PRKCB: variants seen among roughly 807,000 people sequenced by gnomAD.
The protein encoded by PRKCB is protein kinase C beta, also known as protein kinase C beta type.
Under a neutral mutation model 81.5 loss-of-function variants are expected in PRKCB, and 13 were observed. The ratio of observed to expected loss-of-function variants is 0.16; its 90% CI spans 0.10 to 0.25. PRKCB has a LOEUF of 0.25. Among genes scored for constraint, PRKCB ranks in the 10% least tolerant of loss-of-function variants. PRKCB has a pLI of 1.00. For synonymous variants in PRKCB, 335 were observed against 321.4 expected (o/e 1.04, Z -0.45); for missense variants, 509 against 875.7 (o/e 0.58, Z 5.29).
intron 3 of PRKCB, among the ~76,000 whole-genome samples, chr16:24,005,933 G>A (rs958572557): frequency 3.3e-5 from 5 of 152,220 alleles, no homozygotes; most frequent in Non-Finnish European, 5.9e-5. Context: ...TCCAGGGAGC[G>A]AAGCAGCAAT....
intron 9 of PRKCB, among the ~76,000 whole-genome samples, chr16:24,154,472 T>C (rs1967125533): frequency 6.6e-6 from 1 of 152,166 alleles, no homozygotes; most frequent in Non-Finnish European, 1.5e-5. Flanking sequence ...TGAGTCATGA[T>C]CATGCTATTG....
chr16:23,985,877 G>A (rs1448751333), intron 2 of PRKCB, among the ~76,000 whole-genome samples: 1 of 152,056 alleles, frequency 6.6e-6, no homozygotes, highest in South Asian at 2.1e-4. Context: ...ACAGATCAGT[G>A]GCACAGAATA....
At chr16:24,000,639 G>A (rs1339223408) in intron 3 of PRKCB, among the ~76,000 whole-genome samples, 1 of 152,178 alleles carries the variant, frequency 6.6e-6, no homozygotes, top group East Asian at 1.9e-4. Context: ...TTACATGAAA[G>A]CGCTTGGCAC....
chr16:24,154,597 A>G, intron 9 of PRKCB, 87 bp from the exon 10 acceptor site: 1 of 1,342,114 alleles, frequency 7.5e-7, no homozygotes, highest in Non-Finnish European at 1.0e-6. Context: ...ATACAAAGCT[A>G]AGTGTGGCTA....
chr16:24,176,044 G>C (rs1210987761), intron 12 of PRKCB, among the ~76,000 whole-genome samples: 1 of 151,806 alleles, frequency 6.6e-6, no homozygotes, highest in Non-Finnish European at 1.5e-5. Flanking sequence ...CGGAGGCCAG[G>C]CTATGGGATG....
chr16:23,963,338 C>A (rs1303607969), intron 2 of PRKCB: 1 of 152,158 alleles, frequency 6.6e-6, no homozygotes, highest in Non-Finnish European at 1.5e-5. Flanking sequence ...ACACGGTAAG[C>A]GTTCAATCAG....
intron 10 of PRKCB, among the ~76,000 whole-genome samples, chr16:24,158,420 T>G (rs768255380): frequency 1.9e-4 from 29 of 152,162 alleles, no homozygotes; most frequent in Admixed American, 1.2e-3. Flanking sequence ...ACCAGGGGAC[T>G]GAGGCCACAC....
chr16:24,095,125 A>G (rs1037099816), intron 7 of PRKCB, among the ~76,000 whole-genome samples: 1 of 152,200 alleles, frequency 6.6e-6, no homozygotes, highest in African/African-American at 2.4e-5. Context: ...AAACTACATG[A>G]TGAGACTGTA....
At chr16:23,907,975 A>G (rs1488870946) in intron 2 of PRKCB, among the ~76,000 whole-genome samples, 1 of 152,202 alleles carries the variant, frequency 6.6e-6, no homozygotes, top group African/African-American at 2.4e-5. Context: ...TAGGAGTAAA[A>G]GAGTCCATGG....
At chr16:24,051,617 G>A (rs1377446254) in intron 5 of PRKCB, among the ~76,000 whole-genome samples, 1 of 152,142 alleles carries the variant, frequency 6.6e-6, no homozygotes, top group African/African-American at 2.4e-5. Flanking sequence ...GCTCATGCCT[G>A]TAATCCCAGA....
chr16:23,959,454 G>A (rs1250644635), intron 2 of PRKCB, among the ~76,000 whole-genome samples: 1 of 152,164 alleles, frequency 6.6e-6, no homozygotes, highest in Non-Finnish European at 1.5e-5. Context: ...AGAAAAACGG[G>A]GTGAATGTAC....
chr16:24,007,801 G>A (rs1431424188), intron 3 of PRKCB, among the ~76,000 whole-genome samples: 1 of 152,178 alleles, frequency 6.6e-6, no homozygotes, highest in Non-Finnish European at 1.5e-5. Context: ...AGGCCTGGGG[G>A]CAAATGGAGA....
intron 7 of PRKCB, among the ~76,000 whole-genome samples, chr16:24,105,821 G>A (rs528131395): frequency 6.6e-6 from 1 of 152,248 alleles, no homozygotes; most frequent in Non-Finnish European, 1.5e-5. Context: ...ATTGTAGCTA[G>A]TGCTGCAATA....
intron 2 of PRKCB, among the ~76,000 whole-genome samples, chr16:23,841,063 T>C (rs1317552456): frequency 6.6e-6 from 1 of 152,058 alleles, no homozygotes; most frequent in African/African-American, 2.4e-5. Context: ...TATGGCATTT[T>C]TTTCTTTGCC....
At chr16:23,953,624 G>A (rs542570734) in intron 2 of PRKCB, among the ~76,000 whole-genome samples, 5 of 152,318 alleles carry the variant, frequency 3.3e-5, no homozygotes, top group South Asian at 2.1e-4. Flanking sequence ...CAAGGAATTT[G>A]TGGGTGGTTG....
intron 3 of PRKCB, among the ~76,000 whole-genome samples, chr16:24,013,468 C>T (rs916604082): frequency 2.1e-4 from 32 of 152,154 alleles, no homozygotes; most frequent in African/African-American, 7.7e-4. Context: ...AGTTTTCTCC[C>T]CTATAAAATA....
intron 2 of PRKCB, among the ~76,000 whole-genome samples, chr16:23,936,022 G>GAAATTTA (rs1164782958): frequency 6.6e-6 from 1 of 152,070 alleles, no homozygotes; most frequent in Admixed American, 6.6e-5. Context: ...AATGAAAGTT[G>GAAATTTA]AAATTTAAAA....
At chr16:24,160,536 C>T (rs993603878) in intron 10 of PRKCB, among the ~76,000 whole-genome samples, 2 of 152,146 alleles carry the variant, frequency 1.3e-5, no homozygotes, top group African/African-American at 4.8e-5. Flanking sequence ...TGCCTGTATG[C>T]TGCCTGTATA....
At chr16:23,904,984 T>C (rs1963534342) in intron 2 of PRKCB, among the ~76,000 whole-genome samples, 2 of 152,180 alleles carry the variant, frequency 1.3e-5, no homozygotes, top group South Asian at 4.1e-4. Flanking sequence ...GTGTTTCTGG[T>C]GTTTTCTTCT....
Sources: gnomAD v4.1 joint callset for allele counts (sites outside exome capture counted in the v4.1 genomes callset) on GRCh38, gnomAD v4.1.1 for gene constraint, MANE v1.5 for transcripts, NCBI Gene and HGNC (gene_info 2026-07-23, HGNC 2026-07-21) for gene names.